Variants in STK10 observed in about 807,000 individuals in gnomAD.
STK10 encodes serine/threonine-protein kinase 10.
Under a neutral mutation model 113.8 loss-of-function variants are expected in STK10, and 78 were observed. The observed-to-expected ratio is 0.69, with a 90% CI of 0.57 to 0.83. The LOEUF is 0.83. STK10 is among the 40% of genes least tolerant of loss of function. The pLI, the probability that STK10 is intolerant of heterozygous loss-of-function variation, is 0.00. For missense variants in STK10, 1,109 were observed against 1,280.1 expected, an observed-to-expected ratio of 0.87 and a Z score of 2.04; for synonymous variants, 465 against 494.7, an observed-to-expected ratio of 0.94 and a Z score of 0.80.
chr5:172,142,411 C>T (rs184505354), intron 2 of STK10, among the ~76,000 whole-genome samples: 307 of 152,304 alleles, frequency 2.0e-3, no homozygotes, highest in African/African-American at 7.1e-3. Flanking sequence ...ACAAAGAGAA[C>T]CCGATGTGTG....
At chr5:172,073,450 C>T (rs996372187) in intron 12 of STK10, among the ~76,000 whole-genome samples, 5 of 152,000 alleles carry the variant, frequency 3.3e-5, no homozygotes, top group African/African-American at 1.2e-4. Flanking sequence ...CCGCACCCAA[C>T]CTAATTTTTA....
chr5:172,132,908 A>T (rs1368315506), intron 2 of STK10, among the ~76,000 whole-genome samples: 1 of 152,218 alleles, frequency 6.6e-6, no homozygotes, highest in African/African-American at 2.4e-5. Context: ...CACGGTGACT[A>T]TGTAACCCAG....
intron 3 of STK10, among the ~76,000 whole-genome samples, chr5:172,122,761 C>T (rs1215260151): frequency 2.0e-5 from 3 of 152,192 alleles, no homozygotes; most frequent in Non-Finnish European, 4.4e-5. Flanking sequence ...GTAGCTGGGA[C>T]TACAGGCGCC....
chr5:172,066,152 T>C (rs1033491831), intron 12 of STK10, among the ~76,000 whole-genome samples: 1 of 152,124 alleles, frequency 6.6e-6, no homozygotes, highest in African/African-American at 2.4e-5. Flanking sequence ...TCCAGGGAGT[T>C]CTGGCATGGT....
At chr5:172,174,825 C>A (rs905036499) in intron 1 of STK10, among the ~76,000 whole-genome samples, 1 of 152,136 alleles carries the variant, frequency 6.6e-6, no homozygotes, top group Non-Finnish European at 1.5e-5. Context: ...AAAGGAGCTG[C>A]GCTTCCCTCA....
At chr5:172,116,385 A>T (rs903885178) in intron 4 of STK10, among the ~76,000 whole-genome samples, 7 of 152,146 alleles carry the variant, frequency 4.6e-5, no homozygotes, top group Admixed American at 4.6e-4. Context: ...CCTGGCCGAA[A>T]ATCATTACTT....
At chr5:172,045,777 C>T (rs1044720363) in intron 18 of STK10, among the ~76,000 whole-genome samples, 2 of 152,068 alleles carry the variant, frequency 1.3e-5, no homozygotes, top group Admixed American at 1.3e-4. Context: ...GCAAATTCAG[C>T]CTCACAGGTT....
intron 4 of STK10, among the ~76,000 whole-genome samples, chr5:172,110,862 G>A (rs974868223): frequency 3.9e-5 from 6 of 152,242 alleles, no homozygotes; most frequent in Admixed American, 2.6e-4. Context: ...TTCTTTCACC[G>A]GCCCATGAGC....
Position 172,093,738 on chromosome 5 carries a change from G to A in STK10, c.1228C>T (p.Leu410=), listed in dbSNP as rs1292917319. ...NENGLAVPVP[L]RKSRPVSMDA... is the part of the protein sequence containing the mutation. ...ATTGACACGGGTCGGGACTTCCGCA[G>A]GGGCACAGGCACTGCCAGGCCGTTC... Residue 410 remains leucine, a synonymous_variant, in exon 9 of 19, where the codon CTG becomes TTG. Coordinates refer to ENST00000176763, the MANE Select transcript of STK10 (RefSeq NM_005990.4). The surrounding 1 kb of genome is among the most constrained non-coding windows in gnomAD (Gnocchi z 4.1). 2 of 1,613,674 alleles carry A rather than the reference G, an allele frequency of 1.2e-6. No individual in the cohort carries two copies. The highest frequency in any genetic ancestry group is 1.7e-6 in the Non-Finnish European group (2 of 1,179,660).
At chr5:172,170,231 G>C (rs1210686344) in intron 1 of STK10, among the ~76,000 whole-genome samples, 1 of 151,432 alleles carries the variant, frequency 6.6e-6, no homozygotes, top group African/African-American at 2.4e-5. Flanking sequence ...CTCCACATAA[G>C]AGAGGAAAGG....
chr5:172,113,171 A>C (rs1023030636), intron 4 of STK10, among the ~76,000 whole-genome samples: 46 of 152,150 alleles, frequency 3.0e-4, no homozygotes, highest in Non-Finnish European at 4.1e-4. Context: ...TATTAAGTAA[A>C]ACCCAGTAGG....
At chr5:172,074,647 T>G (rs1437341652) in intron 12 of STK10, among the ~76,000 whole-genome samples, 2 of 152,186 alleles carry the variant, frequency 1.3e-5, no homozygotes, top group Non-Finnish European at 2.9e-5. Flanking sequence ...GGCAAAGATT[T>G]CTTGGATATA....
chr5:172,096,127 G>T (rs981705341), intron 8 of STK10, among the ~76,000 whole-genome samples: 88 of 152,302 alleles, frequency 5.8e-4, no homozygotes, highest in Non-Finnish European at 1.2e-3. Flanking sequence ...AGGAACAAAG[G>T]ATGGGAAGCC....
At chr5:172,092,075 G>A (rs1186007394) in intron 9 of STK10, among the ~76,000 whole-genome samples, 3 of 152,224 alleles carry the variant, frequency 2.0e-5, no homozygotes, top group Admixed American at 6.5e-5. Flanking sequence ...CAGCATGCCC[G>A]ACTCTCATCT....
intron 2 of STK10, among the ~76,000 whole-genome samples, chr5:172,151,316 G>A (rs548538876): frequency 2.9e-4 from 44 of 152,090 alleles, no homozygotes; most frequent in African/African-American, 1.0e-3. Flanking sequence ...TTCAGAGGCC[G>A]ACCTTTGCGT....
chr5:172,156,801 G>C lies in STK10; in HGVS notation c.157-13C>G. On this transcript the variant is annotated splice_polypyrimidine_tract_variant and intron_variant, in intron 1 of 18. Transcript: ENST00000176763. ...CCTTATTCTTGGCCTGCAAAGAGGA[G>C]ATACAGGAGGTCAACAAGGCATGCT... is the stretch of plus-strand genomic sequence containing the variant. The C allele has an allele frequency of 6.2e-7, 1 of 1,606,750 alleles. No homozygotes were observed. The highest frequency in any genetic ancestry group is 8.5e-7 in the Non-Finnish European group (1 of 1,174,176).
At chr5:172,142,779 G>C (rs1770003430) in intron 2 of STK10, among the ~76,000 whole-genome samples, 1 of 152,198 alleles carries the variant, frequency 6.6e-6, no homozygotes, top group African/African-American at 2.4e-5. Context: ...TGGGGAAACT[G>C]AGGCTCAGGA....
intron 1 of STK10, among the ~76,000 whole-genome samples, chr5:172,165,091 G>C (rs764824186): frequency 6.6e-6 from 1 of 152,172 alleles, no homozygotes; most frequent in African/African-American, 2.4e-5. Context: ...GGCCCAGCCA[G>C]CCCAGTCAGG....
At chr5:172,048,380 A>G (rs1767540426) in intron 18 of STK10, among the ~76,000 whole-genome samples, 1 of 146,238 alleles carries the variant, frequency 6.8e-6, no homozygotes, top group Non-Finnish European at 1.5e-5. Flanking sequence ...CCAATTCCTT[A>G]AAATAACTAA....
Sources: allele counts gnomAD v4.1 joint callset (sites outside exome capture counted in the v4.1 genomes callset), GRCh38; gene constraint gnomAD v4.1.1; non-coding constraint Gnocchi (gnomAD v3.1); transcripts MANE v1.5; gene names NCBI Gene and HGNC (gene_info 2026-07-23, HGNC 2026-07-21).